FBXO42: variants seen among roughly 807,000 people sequenced by gnomAD.
FBXO42 encodes F-box protein 42.
A neutral mutation model predicts 71.7 loss-of-function variants in FBXO42; 12 were observed. The observed-to-expected ratio is 0.17, with a 90% CI of 0.11 to 0.27. FBXO42 has a LOEUF of 0.27. Among genes scored for constraint, FBXO42 ranks in the 10% least tolerant of loss-of-function variants. The pLI is 1.00. For synonymous variants in FBXO42, 325 were observed against 327.5 expected, an observed-to-expected ratio of 0.99 and a Z score of 0.08; for missense variants, 707 against 911.9, an observed-to-expected ratio of 0.78 and a Z score of 2.89.
At chr1:16,260,952 C>T (rs1420263831) in intron 4 of FBXO42, among the ~76,000 whole-genome samples, 2 of 152,126 alleles carry the variant, frequency 1.3e-5, no homozygotes, top group Admixed American at 6.5e-5. Context: ...GATTCTCCCA[C>T]CTCTGCCACC....
intron 4 of FBXO42, among the ~76,000 whole-genome samples, chr1:16,290,552 C>A (rs1032181303): frequency 6.6e-6 from 1 of 152,104 alleles, no homozygotes; most frequent in South Asian, 2.1e-4. Context: ...ATTAGCCAGG[C>A]ATGGTGGCAC....
chr1:16,350,412 A>G (rs1004134678), intron 1 of FBXO42, among the ~76,000 whole-genome samples: 3 of 151,878 alleles, frequency 2.0e-5, no homozygotes, highest in African/African-American at 7.3e-5. Flanking sequence ...AAAGACACTA[A>G]GAAAATCGAC....
chr1:16,256,516 C>A, intron 5 of FBXO42, 90 bp downstream of exon 5: 2 of 1,372,820 alleles, frequency 1.5e-6, no homozygotes, highest in Non-Finnish European at 2.0e-6. Context: ...CCATCTAATT[C>A]TCAAAGGGAC....
At chr1:16,330,964 T>C (rs1234525333) in intron 1 of FBXO42, among the ~76,000 whole-genome samples, 2 of 149,808 alleles carry the variant, frequency 1.3e-5, no homozygotes, top group Non-Finnish European at 3.0e-5. Flanking sequence ...AAAATAAAAA[T>C]ACAAAAATTA....
rs796620986 is a variant in FBXO42, at chr1:16,334,687, T to C, written c.-18+17568A>G. On this transcript the variant is annotated intron_variant, in intron 1 of 9. Coordinates refer to ENST00000375592, the MANE Select transcript of FBXO42 (RefSeq NM_018994.3). ...AATAACATTACCATACAAAAGATAA[T>C]ACCAAGGTTGTTATGAGTTATCTAG... Among the ~76,000 whole-genome samples, 9 of 152,168 alleles carry C rather than the reference T, an allele frequency of 5.9e-5. No homozygotes were observed. In the East Asian group the frequency reaches 1.5e-3, roughly 26 times the overall value.
intron 3 of FBXO42, among the ~76,000 whole-genome samples, chr1:16,297,253 C>T (rs2082139865): frequency 6.6e-6 from 1 of 152,170 alleles, no homozygotes; most frequent in South Asian, 2.1e-4. Flanking sequence ...CCCCCACCTT[C>T]TTTTATTTTC....
chr1:16,272,448 C>T (rs376779272), intron 4 of FBXO42, among the ~76,000 whole-genome samples: 8 of 151,994 alleles, frequency 5.3e-5, no homozygotes, highest in South Asian at 2.1e-4. Flanking sequence ...AAGTAGAGAC[C>T]GGGTTTCACC....
At chr1:16,258,587 G>A (rs751834678) in intron 4 of FBXO42, among the ~76,000 whole-genome samples, 1 of 152,054 alleles carries the variant, frequency 6.6e-6, no homozygotes, top group Non-Finnish European at 1.5e-5. Flanking sequence ...GAACTCATGG[G>A]TTCAAGCAAT....
chr1:16,278,886 C>G (rs1210162105), intron 4 of FBXO42, among the ~76,000 whole-genome samples: 1 of 152,120 alleles, frequency 6.6e-6, no homozygotes, highest in Non-Finnish European at 1.5e-5. Flanking sequence ...TCAACCGATT[C>G]TCCTGCCTCA....
At chr1:16,347,331 C>T (rs2082661821) in intron 1 of FBXO42, among the ~76,000 whole-genome samples, 1 of 151,596 alleles carries the variant, frequency 6.6e-6, no homozygotes, top group Non-Finnish European at 1.5e-5. Flanking sequence ...GCCTGGCCAA[C>T]ATGGTGAAAC....
chr1:16,277,853 C>T (rs2081921533), intron 4 of FBXO42, among the ~76,000 whole-genome samples: 1 of 151,074 alleles, frequency 6.6e-6, no homozygotes, highest in South Asian at 2.1e-4. Context: ...CCAGCCTGGG[C>T]AACAGGGCAA....
chr1:16,313,159 C>A (rs1470797652), intron 2 of FBXO42, among the ~76,000 whole-genome samples: 1 of 143,096 alleles, frequency 7.0e-6, no homozygotes, highest in African/African-American at 2.5e-5. Context: ...AAAAAAAAGT[C>A]TACTAAAATT....
chr1:16,330,994 G>A (rs2082493742), intron 1 of FBXO42, among the ~76,000 whole-genome samples: 1 of 151,954 alleles, frequency 6.6e-6, no homozygotes, highest in Non-Finnish European at 1.5e-5. Flanking sequence ...GGTGGCGCGT[G>A]CCTGTAGTCC....
chr1:16,332,042 T>C (rs1009510840), intron 1 of FBXO42, among the ~76,000 whole-genome samples: 4 of 150,354 alleles, frequency 2.7e-5, no homozygotes, highest in Non-Finnish European at 5.9e-5. Context: ...AGAGCAAAAC[T>C]CCATCTCCAA....
At chr1:16,327,817 T>G (rs1270708524) in intron 1 of FBXO42, among the ~76,000 whole-genome samples, 1 of 152,148 alleles carries the variant, frequency 6.6e-6, no homozygotes, top group Non-Finnish European at 1.5e-5. Context: ...TTCTCTCACC[T>G]CTGCCTCCCA....
At position 16,298,793 on chromosome 1, in the gene FBXO42, A is replaced by C. The variant is rs568525133; in HGVS notation, c.368-3876T>G. On this transcript the variant is annotated intron_variant, in intron 3 of 9. Coordinates refer to ENST00000375592, the MANE Select transcript of FBXO42 (RefSeq NM_018994.3). ...CCAAAGTGCTGAGATTATAGGCGTG[A>C]GCCACCGCGCCCGGCCAATGTCCTA... Among the ~76,000 whole-genome samples the C allele has an allele frequency of 2.0e-5, 3 of 152,104 alleles. No individual in the cohort carries two copies. The East Asian group carries it at 5.8e-4, about 30-fold the overall frequency.
chr1:16,343,117 C>G (rs896881861), intron 1 of FBXO42, among the ~76,000 whole-genome samples: 1 of 152,194 alleles, frequency 6.6e-6, no homozygotes, highest in Admixed American at 6.6e-5. Flanking sequence ...GACACCTACT[C>G]TACCATCTTT....
chr1:16,270,707 GA>G (rs774036333), intron 4 of FBXO42, among the ~76,000 whole-genome samples: 207 of 6,326 alleles, frequency 0.033, 43 homozygotes, highest in African/African-American at 0.053. Flanking sequence ...GAAAAGAAAA[GA>G]AAGAAGAAAA....
intron 3 of FBXO42, among the ~76,000 whole-genome samples, chr1:16,298,875 A>G (rs1412856105): frequency 2.0e-5 from 3 of 152,160 alleles, no homozygotes; most frequent in Admixed American, 2.0e-4. Context: ...AAACAAATCC[A>G]TGATTTCATA....
Sources: allele counts gnomAD v4.1 joint callset (sites outside exome capture counted in the v4.1 genomes callset), GRCh38; gene constraint gnomAD v4.1.1; transcripts MANE v1.5; gene names NCBI Gene and HGNC (gene_info 2026-07-23, HGNC 2026-07-21).